Variants in APPL2 observed in about 807,000 individuals in gnomAD.
The protein encoded by APPL2 is adaptor protein, phosphotyrosine interacting with PH domain and leucine zipper 2.
Under a neutral mutation model 92.7 loss-of-function variants are expected in APPL2, and 84 were observed. That is an observed-to-expected ratio of 0.91 (90% CI 0.76 to 1.09). APPL2 has a LOEUF of 1.09. Ranked by LOEUF, APPL2 falls within the 50% of genes least tolerant of loss-of-function variation. The pLI is 0.00. For missense variants in APPL2, 736 were observed against 824.5 expected, an observed-to-expected ratio of 0.89 and a Z score of 1.31; for synonymous variants, 291 against 291.0, an observed-to-expected ratio of 1.00 and a Z score of 0.00.
chr12:105,174,790 C>A (rs1174631798), intron 20 of APPL2, among the ~76,000 whole-genome samples: 1 of 148,864 alleles, frequency 6.7e-6, no homozygotes, highest in Admixed American at 7.0e-5. Flanking sequence ...AAACTATGGT[C>A]ATTTGGCTAA....
chr12:105,223,746 G>A (rs1890295463), intron 2 of APPL2, among the ~76,000 whole-genome samples: 1 of 152,230 alleles, frequency 6.6e-6, no homozygotes, highest in East Asian at 1.9e-4. Context: ...CAGTGCCAGT[G>A]TACAGTGCTA....
intron 5 of APPL2, among the ~76,000 whole-genome samples, chr12:105,210,235 C>T (rs1039381455): frequency 2.0e-5 from 3 of 152,196 alleles, no homozygotes; most frequent in African/African-American, 4.8e-5. Context: ...GCTGGGATTA[C>T]AGGCGTGAGC....
At chr12:105,195,394 C>T in intron 13 of APPL2, 45 bp from the exon 14 acceptor site, 1 of 1,614,138 alleles carries the variant, frequency 6.2e-7, no homozygotes, top group Admixed American at 1.7e-5. Flanking sequence ...GAGGTGGACG[C>T]TTACCTTCCA....
At chr12:105,197,650 C>G in intron 11 of APPL2, 115 bp downstream of exon 11, 1 of 1,308,974 alleles carries the variant, frequency 7.6e-7, no homozygotes, top group South Asian at 1.3e-5. Flanking sequence ...TCAACAATAC[C>G]CAGATTGGGG....
chr12:105,236,125 C>A lies in APPL2; in HGVS notation c.-113G>T, dbSNP rs1049153197. 7 of 721,212 alleles carry A rather than the reference C, an allele frequency of 9.7e-6. No individual in the cohort carries two copies. Among genetic ancestry groups the A allele is most frequent in the Non-Finnish European group, 9.1e-6 (5 of 549,724 alleles). The allele number at this position is 721,212 out of a possible 1,614,324, so 44.7% of individuals were successfully genotyped here. On this transcript the variant is annotated 5_prime_UTR_variant, in exon 1 of 21. Transcript: ENST00000258530. ...AGGCGACGCGGCGGCCACTCCGTGCCCGCGGCGGCCCCGCGCGCGTCCACG... is the reference window on the plus strand; with the variant it reads ...AGGCGACGCGGCGGCCACTCCGTGCACGCGGCGGCCCCGCGCGCGTCCACG...
chr12:105,216,925 G>A, intron 4 of APPL2, 144 bp downstream of exon 4: 1 of 605,980 alleles, frequency 1.7e-6, no homozygotes. Context: ...ACCTCTCCTA[G>A]GAAAGGAGCT....
At chr12:105,182,288 C>T (rs1331017305) in intron 17 of APPL2, among the ~76,000 whole-genome samples, 1 of 152,228 alleles carries the variant, frequency 6.6e-6, no homozygotes, top group Non-Finnish European at 1.5e-5. Context: ...CTTGGCCTCC[C>T]AAAGTGGTGG....
Position 105,174,886 on chromosome 12 carries a change from GGT to G in APPL2, c.1861-440_1861-439del, listed in dbSNP as rs1555244795. ...GCTGCTTTTTTTTGGTGGGGGGGGG[GGT>G]GGTGCGGCGGTTGGAGACAGAGTCT... is the stretch of plus-strand genomic sequence containing the variant. On this transcript the variant is annotated intron_variant, in intron 20 of 20. Coordinates refer to ENST00000258530, the MANE Select transcript of APPL2 (RefSeq NM_018171.5). Among the ~76,000 whole-genome samples, 817 of 140,724 alleles carry G rather than the reference GGT, an allele frequency of 5.8e-3. 59 individuals are homozygous for G. Among genetic ancestry groups the G allele is most frequent in the East Asian group, 0.041 (166 of 4,064 alleles). 92.3% of individuals were successfully genotyped at this position (140,724 alleles called of 152,430 possible).
chr12:105,213,539 G>A (rs1889391566), intron 4 of APPL2, among the ~76,000 whole-genome samples: 1 of 152,206 alleles, frequency 6.6e-6, no homozygotes, highest in South Asian at 2.1e-4. Flanking sequence ...TGTCTCAGGT[G>A]CACTCAAAAG....
chr12:105,203,929 T>C, intron 8 of APPL2, 144 bp from the exon 9 acceptor site: 1 of 667,976 alleles, frequency 1.5e-6, no homozygotes, highest in Non-Finnish European at 2.6e-6. Flanking sequence ...CTCTACTGAG[T>C]CTACACCTGA....
At chr12:105,225,731 G>GC (rs1255327409) in intron 2 of APPL2, among the ~76,000 whole-genome samples, 1 of 152,164 alleles carries the variant, frequency 6.6e-6, no homozygotes, top group Admixed American at 6.5e-5. Context: ...ACAGCTTAGA[G>GC]CCTATAGTTT....
intron 10 of APPL2, among the ~76,000 whole-genome samples, chr12:105,199,021 T>C (rs572331520): frequency 2.0e-5 from 3 of 152,324 alleles, no homozygotes; most frequent in East Asian, 3.9e-4. Context: ...CTCCAGCACA[T>C]GGCTCTCATC....
At chr12:105,180,089 G>T (rs1391353962) in intron 17 of APPL2, among the ~76,000 whole-genome samples, 1 of 151,976 alleles carries the variant, frequency 6.6e-6, no homozygotes, top group Non-Finnish European at 1.5e-5. Context: ...TTTCTTCTAG[G>T]GTTTTTATGG....
chr12:105,189,313 G>A (rs1886996108), intron 16 of APPL2, among the ~76,000 whole-genome samples: 1 of 152,170 alleles, frequency 6.6e-6, no homozygotes, highest in Non-Finnish European at 1.5e-5. Flanking sequence ...TTACAGGCGT[G>A]AGCCAGCGTG....
At position 105,190,143 on chromosome 12, in the gene APPL2, T is replaced by C; in HGVS notation, c.1254A>G (p.Lys418=). 6 of 1,613,928 alleles carry C rather than the reference T, an allele frequency of 3.7e-6. No individual in the cohort carries two copies. Among genetic ancestry groups the C allele is most frequent in the Non-Finnish European group, 5.1e-6 (6 of 1,179,944 alleles). ...QESSCPSQNL[K]NSEMENENDK... is the part of the protein sequence containing the mutation. ...CATTTTCATTTTCCATCTCTGAATTTTTCAGGTTCTGGCTGAAGGGGAAAA... is the reference window on the plus strand; with the variant it reads ...CATTTTCATTTTCCATCTCTGAATTCTTCAGGTTCTGGCTGAAGGGGAAAA... Residue 418 remains lysine (K), a synonymous_variant, in exon 15 of 21, where the codon AAA becomes AAG. Coordinates refer to ENST00000258530, the MANE Select transcript of APPL2 (RefSeq NM_018171.5).
At position 105,199,482 on chromosome 12, in the gene APPL2, G is replaced by A; in HGVS notation, c.754C>T (p.Gln252Ter). ...GATTCATCAACAGAAAGTAATTCTT[G>A]CTGGGACACCCGCATCTTTTCCGCC... Reference protein sequence around the residue: ...AEAEKMRVSQQELLSVDESVY... With the variant: ...AEAEKMRVSQ Residue 252 changes from glutamine (Q) to a stop codon, truncating the protein, a stop_gained, in exon 10 of 21, where the codon CAA becomes TAA. Coordinates refer to ENST00000258530, the MANE Select transcript of APPL2 (RefSeq NM_018171.5). LOFTEE classifies it high-confidence loss of function. 1 of 1,614,084 alleles carries A rather than the reference G, an allele frequency of 6.2e-7. No individual in the cohort carries two copies. Among genetic ancestry groups the A allele is most frequent in the Non-Finnish European group, 8.5e-7 (1 of 1,180,008 alleles).
At chr12:105,214,888 G>A (rs1283558506) in intron 4 of APPL2, among the ~76,000 whole-genome samples, 1 of 152,180 alleles carries the variant, frequency 6.6e-6, no homozygotes, top group East Asian at 1.9e-4. Flanking sequence ...ATGTGATGAA[G>A]CTGCCAATAA....
chr12:105,226,081 G>A (rs755031754), intron 2 of APPL2, among the ~76,000 whole-genome samples: 30 of 152,064 alleles, frequency 2.0e-4, no homozygotes, highest in South Asian at 2.1e-4. Context: ...ATGGAATAAC[G>A]TGCAATGAAA....
In APPL2 at chr12:105,192,095, T is replaced by G. The variant is rs117018036; in HGVS notation, c.1242-1940A>C. Reference sequence around the variant, plus strand: ...AACATGTCCAAAACATGAACTCTTCTTTTTTTTAAAAAACACCATCTGCCC... The same window carrying G: ...AACATGTCCAAAACATGAACTCTTCGTTTTTTTAAAAAACACCATCTGCCC... On this transcript the variant is annotated intron_variant, in intron 14 of 20. Transcript: ENST00000258530. Among the ~76,000 whole-genome samples the G allele has an allele frequency of 3.3e-3, 502 of 150,910 alleles. 21 individuals are homozygous for G. The East Asian group carries it at 0.072, about 22-fold the overall frequency.
Sources: allele counts gnomAD v4.1 joint callset (sites outside exome capture counted in the v4.1 genomes callset), GRCh38; gene constraint gnomAD v4.1.1; transcripts MANE v1.5; gene names NCBI Gene and HGNC (gene_info 2026-07-23, HGNC 2026-07-21).